PDE1A: variants seen among roughly 807,000 people sequenced by gnomAD.
PDE1A encodes the protein dual specificity calcium/calmodulin-dependent 3',5'-cyclic nucleotide phosphodiesterase 1A.
Under a neutral mutation model 61.7 loss-of-function variants are expected in PDE1A, and 35 were observed. The observed-to-expected ratio is 0.57, with a 90% CI of 0.43 to 0.75. PDE1A has a LOEUF of 0.75. Ranked by LOEUF, PDE1A falls within the 30% of genes least tolerant of loss-of-function variation. PDE1A has a pLI of 0.00. For synonymous variants in PDE1A, 232 were observed against 213.2 expected, an observed-to-expected ratio of 1.09 and a Z score of -0.77; for missense variants, 597 against 630.6, an observed-to-expected ratio of 0.95 and a Z score of 0.57.
chr2:182,545,840 T>C, the PDE1A span, among the ~76,000 whole-genome samples: 6 of 152,354 alleles, frequency 3.9e-5, no homozygotes, highest in East Asian at 9.6e-4. Context: ...CAGTCAGTTA[T>C]ATTTATTCCA....
At chr2:182,428,713 G>A (rs111365868), upstream of PDE1A, among the ~76,000 whole-genome samples, 16 of 152,132 alleles carry the variant, frequency 1.1e-4, no homozygotes, top group East Asian at 3.9e-4. Context: ...GGGATTTTGC[G>A]TTTGTGGGTA....
At chr2:182,360,384 T>C (rs1356151918) in intron 1 of PDE1A, among the ~76,000 whole-genome samples, 1 of 152,050 alleles carries the variant, frequency 6.6e-6, no homozygotes, top group African/African-American at 2.4e-5. Context: ...TAACTCAGTT[T>C]AGGAGCTAAC....
chr2:182,426,035 G>A (rs2125608359), intron 1 of PDE1A, among the ~76,000 whole-genome samples: 1 of 152,236 alleles, frequency 6.6e-6, no homozygotes, highest in East Asian at 1.9e-4. Flanking sequence ...CATTTTGCCT[G>A]GTCACAGATT....
intron 13 of PDE1A, among the ~76,000 whole-genome samples, chr2:182,184,047 A>AAAGAAAGT (rs1685003678): frequency 7.0e-6 from 1 of 143,752 alleles, no homozygotes; most frequent in Non-Finnish European, 1.6e-5. Context: ...AGAAAGAAAG[A>AAAGAAAGT]AAGAAAGAAC....
the PDE1A span, among the ~76,000 whole-genome samples, chr2:182,569,234 CAG>C: frequency 7.5e-6 from 1 of 133,090 alleles, no homozygotes. Flanking sequence ...GCCTGAGTGA[CAG>C]AGTGATAACC....
rs576798941 is a variant in PDE1A, at chr2:182,468,343, T to C, written c.101+53933A>G. On this transcript the variant is annotated intron_variant, in intron 2 of 14. Coordinates refer to the PDE1A transcript ENST00000410103. ...ATCTGTTATTGTCATTTCAACAATGTTCATAGCATCTTCACCAGAAGTAGA... is the reference window on the plus strand; with the variant it reads ...ATCTGTTATTGTCATTTCAACAATGCTCATAGCATCTTCACCAGAAGTAGA... 9.3e-4 allele frequency among the ~76,000 whole-genome samples: 142 copies of C among 152,124 alleles called. 1 individual carries two copies. Among genetic ancestry groups the C allele is most frequent in the African/African-American group, 3.4e-3 (141 of 41,570 alleles).
chr2:182,299,020 T>C (rs1000009295), intron 1 of PDE1A, among the ~76,000 whole-genome samples: 2 of 152,010 alleles, frequency 1.3e-5, no homozygotes, highest in Admixed American at 1.3e-4. Flanking sequence ...ACCTATTAAC[T>C]AGGAAAGCTA....
intron 13 of PDE1A, among the ~76,000 whole-genome samples, chr2:182,185,109 A>G (rs1685096330): frequency 6.6e-6 from 1 of 152,194 alleles, no homozygotes; most frequent in African/African-American, 2.4e-5. Context: ...TGAGTATATT[A>G]AAGCTGCAAA....
chr2:182,481,861 A>G (rs1687722112), intron 2 of PDE1A, among the ~76,000 whole-genome samples: 1 of 151,938 alleles, frequency 6.6e-6, no homozygotes, highest in African/African-American at 2.4e-5. Context: ...GATAAGAGGC[A>G]TCTACTAGTT....
At chr2:182,666,338 C>CT in the PDE1A span, among the ~76,000 whole-genome samples, 1 of 152,156 alleles carries the variant, frequency 6.6e-6, no homozygotes, top group South Asian at 2.1e-4. Context: ...AGACAAGGGG[C>CT]TGGGTGTGGT....
intron 1 of PDE1A, among the ~76,000 whole-genome samples, chr2:182,370,326 G>A (rs189452620): frequency 6.6e-6 from 1 of 152,310 alleles, no homozygotes; most frequent in African/African-American, 2.4e-5. Flanking sequence ...CATGCCTAAT[G>A]GACTCTAGTT....
the PDE1A span, among the ~76,000 whole-genome samples, chr2:182,567,305 C>T: frequency 6.6e-6 from 1 of 152,156 alleles, no homozygotes; most frequent in Non-Finnish European, 1.5e-5. Flanking sequence ...TGATATCTCT[C>T]CCAGCTGGTG....
At chr2:182,375,205 T>C (rs1459351125) in intron 1 of PDE1A, among the ~76,000 whole-genome samples, 1 of 152,158 alleles carries the variant, frequency 6.6e-6, no homozygotes, top group Non-Finnish European at 1.5e-5. Flanking sequence ...AAACCAATCA[T>C]GCCTTCCCAG....
intron 2 of PDE1A, among the ~76,000 whole-genome samples, chr2:182,243,935 T>G (rs1248065733): frequency 2.0e-5 from 3 of 152,198 alleles, no homozygotes; most frequent in Non-Finnish European, 4.4e-5. Flanking sequence ...TGGTGCGATC[T>G]CGGCTCACCA....
At chr2:182,336,130 G>A (rs1697793005) in intron 1 of PDE1A, among the ~76,000 whole-genome samples, 1 of 152,188 alleles carries the variant, frequency 6.6e-6, no homozygotes, top group South Asian at 2.1e-4. Context: ...ACATGGTGAA[G>A]AGGATGTGAA....
intron 1 of PDE1A, among the ~76,000 whole-genome samples, chr2:182,321,109 CTGTT>C (rs148271207): frequency 0.012 from 1,877 of 152,200 alleles, 13 homozygotes; most frequent in Middle Eastern, 0.024. Flanking sequence ...TTGTGAGTGA[CTGTT>C]TATTTAAAGC....
At chr2:182,678,217 G>T in the PDE1A span, among the ~76,000 whole-genome samples, 1 of 152,190 alleles carries the variant, frequency 6.6e-6, no homozygotes, top group South Asian at 2.1e-4. Context: ...GAGGTCAGGG[G>T]TTTGAGACCA....
chr2:182,599,394 C>G, the PDE1A span, among the ~76,000 whole-genome samples: 1 of 152,172 alleles, frequency 6.6e-6, no homozygotes, highest in Non-Finnish European at 1.5e-5. Context: ...AAGACAGAAG[C>G]TACAATGCCT....
intron 1 of PDE1A, among the ~76,000 whole-genome samples, chr2:182,265,218 CG>C (rs1692543708): frequency 6.6e-6 from 1 of 151,268 alleles, no homozygotes; most frequent in South Asian, 2.1e-4. Flanking sequence ...AACTTATCCA[CG>C]TAACCAGAAA....
Sources: gnomAD v4.1 joint callset for allele counts (sites outside exome capture counted in the v4.1 genomes callset) on GRCh38, gnomAD v4.1.1 for gene constraint, MANE v1.5 for transcripts, NCBI Gene and HGNC (gene_info 2026-07-23, HGNC 2026-07-21) for gene names.